HORMAD2: variants seen among roughly 807,000 people sequenced by gnomAD.
The protein encoded by HORMAD2 is HORMA domain-containing protein 2.
In HORMAD2, 45 loss-of-function variants were observed where a neutral mutation model predicts 38.8. The ratio of observed to expected loss-of-function variants is 1.16; its 90% confidence interval spans 0.91 to 1.49. The LOEUF (loss-of-function observed/expected upper bound fraction) is 1.49, where lower values mean the gene tolerates loss of function less well. Ranked by LOEUF, HORMAD2 falls within the 40% of genes most tolerant of loss-of-function variation. HORMAD2 has a pLI of 0.00. For synonymous variants in HORMAD2, 126 were observed against 122.8 expected (o/e 1.03, Z -0.17); for missense variants, 338 against 367.0 (o/e 0.92, Z 0.65).
At chr22:30,128,674 T>C (rs1011865054) in intron 10 of HORMAD2, among the ~76,000 whole-genome samples, 3 of 152,158 alleles carry the variant, frequency 2.0e-5, no homozygotes. Flanking sequence ...TGCCAGCTTC[T>C]CCACCTCCTC....
chr22:30,085,946 C>T (rs1288473930), intron 1 of HORMAD2, among the ~76,000 whole-genome samples: 1 of 152,112 alleles, frequency 6.6e-6, no homozygotes, highest in South Asian at 2.1e-4. Context: ...GAAGTCATCC[C>T]TTAAGGAAAT....
chr22:30,097,821 T>G (rs5997569), intron 2 of HORMAD2, among the ~76,000 whole-genome samples: 54 of 152,260 alleles, frequency 3.5e-4, no homozygotes, highest in African/African-American at 1.3e-3. Flanking sequence ...GAAGACAGGT[T>G]GAATGAAAGA....
chr22:30,115,345 G>A (rs1160019615), intron 7 of HORMAD2, among the ~76,000 whole-genome samples: 1 of 152,000 alleles, frequency 6.6e-6, no homozygotes, highest in Admixed American at 6.6e-5. Context: ...TGGTCTCAAA[G>A]GATCCCCTTG....
chr22:30,176,117 A>T lies in HORMAD2; in HGVS notation c.874A>T (p.Lys292Ter), dbSNP rs1425438787. The change falls in exon 11 of 11, where the codon AAG (lysine) becomes TAG (stop). Residue 292 changes from lysine (K) to a stop codon, truncating the protein, a stop_gained. Transcript: ENST00000336726. LOFTEE classifies it high-confidence loss of function. Reference sequence around the variant, plus strand: ...GCAAAGTTCTGAGTGCTCCAGGAAGAAGAGGAAGGTCAGTGAACCAGTGAA... The same window carrying T: ...GCAAAGTTCTGAGTGCTCCAGGAAGTAGAGGAAGGTCAGTGAACCAGTGAA... The part of the protein sequence containing the change: ...SQQSSECSRK[K>*]RKVSEPVKVF... The T allele has an allele frequency of 6.2e-7, 1 of 1,613,424 alleles. No homozygotes were observed. Among genetic ancestry groups the T allele is most frequent in the Non-Finnish European group, 8.5e-7 (1 of 1,179,468 alleles).
rs12166648 is a variant in HORMAD2, at chr22:30,160,999, T to A, written c.820-15064T>A. Reference sequence around the variant, plus strand: ...TAGGGGTTTTCTATTTCTCTTCAATTGAATTTAGGGCCAATTTAAAGTGAA... The same window carrying A: ...TAGGGGTTTTCTATTTCTCTTCAATAGAATTTAGGGCCAATTTAAAGTGAA... On this transcript the variant is annotated intron_variant, in intron 10 of 10. Transcript: ENST00000336726. 7.0e-3 allele frequency among the ~76,000 whole-genome samples: 1,067 copies of A among 152,298 alleles called. 12 individuals carry two copies. Among genetic ancestry groups the A allele is most frequent in the African/African-American group, 0.023 (949 of 41,542 alleles).
chr22:30,142,228 G>C (rs1924130380), intron 10 of HORMAD2, among the ~76,000 whole-genome samples: 1 of 152,158 alleles, frequency 6.6e-6, no homozygotes, highest in South Asian at 2.1e-4. Context: ...GTAGTGAGCT[G>C]TGATCACTCC....
At chr22:30,157,051 T>C (rs1011068773) in intron 10 of HORMAD2, among the ~76,000 whole-genome samples, 39 of 152,210 alleles carry the variant, frequency 2.6e-4, no homozygotes, top group African/African-American at 8.7e-4. Context: ...TCCCACTACA[T>C]TCCTTGGAAG....
chr22:30,081,696 C>T (rs977292400), intron 1 of HORMAD2, among the ~76,000 whole-genome samples: 2 of 152,132 alleles, frequency 1.3e-5, no homozygotes, highest in African/African-American at 4.8e-5. Flanking sequence ...CTGCCTCAGC[C>T]TCCCATGTAG....
intron 10 of HORMAD2, among the ~76,000 whole-genome samples, chr22:30,143,908 C>T (rs1315814574): frequency 6.6e-6 from 1 of 152,178 alleles, no homozygotes; most frequent in Non-Finnish European, 1.5e-5. Flanking sequence ...GTTGCTCCCA[C>T]TCTTGCCATG....
the HORMAD2 span, among the ~76,000 whole-genome samples, chr22:30,198,726 G>A: frequency 6.6e-6 from 1 of 152,090 alleles, no homozygotes; most frequent in Non-Finnish European, 1.5e-5. Context: ...CAGCATCTGG[G>A]ATCTGGCTTC....
At chr22:30,137,420 A>G (rs5763800) in intron 10 of HORMAD2, 47,678 of 414,304 alleles carry the variant, frequency 0.12, 6,472 homozygotes, top group African/African-American at 0.42. Flanking sequence ...CCAGGAGGTC[A>G]AGGCTGCAGT....
chr22:30,197,196 T>A, the HORMAD2 span, among the ~76,000 whole-genome samples: 2 of 151,724 alleles, frequency 1.3e-5, no homozygotes, highest in Non-Finnish European at 2.9e-5. Flanking sequence ...GTGAAAAGGG[T>A]TGGATTTTCT....
chr22:30,206,201 C>A, the HORMAD2 span, among the ~76,000 whole-genome samples: 3 of 152,098 alleles, frequency 2.0e-5, no homozygotes, highest in Admixed American at 1.3e-4. Flanking sequence ...GAGTCTTGCT[C>A]TGTCACCCAG....
Position 30,176,246 on chromosome 22 carries a change from G to A in HORMAD2, c.*79G>A. On this transcript the variant is annotated 3_prime_UTR_variant, in exon 11 of 11. Transcript: ENST00000336726. Reference sequence around the variant, plus strand: ...ATGCATAAACTGTCTTAGCAGGAAAGTACATTCCTGTTACCAAAACCTTTT... The same window carrying A: ...ATGCATAAACTGTCTTAGCAGGAAAATACATTCCTGTTACCAAAACCTTTT... 3 of 967,712 alleles carry A rather than the reference G, an allele frequency of 3.1e-6. No individual in the cohort carries two copies. Among genetic ancestry groups the A allele is most frequent in the South Asian group, 3.1e-5 (2 of 64,116 alleles). The allele number at this position is 967,712 out of a possible 1,614,324, so 59.9% of individuals were successfully genotyped here. A position where few individuals can be genotyped will look rare whatever the true frequency, so the allele number is the denominator to read the frequency against.
chr22:30,112,370 A>C, intron 6 of HORMAD2, 126 bp from the exon 7 acceptor site: 1 of 604,164 alleles, frequency 1.7e-6, no homozygotes, highest in Non-Finnish European at 2.9e-6. Context: ...TCCTATCTCT[A>C]GCTTAAAATA....
the HORMAD2 span, among the ~76,000 whole-genome samples, chr22:30,201,041 C>T: frequency 5.3e-5 from 8 of 152,012 alleles, no homozygotes; most frequent in African/African-American, 1.7e-4. Context: ...TGAGCCACCA[C>T]GCCCGGCCAG....
chr22:30,084,884 G>A (rs1221859169), intron 1 of HORMAD2, among the ~76,000 whole-genome samples: 2 of 152,082 alleles, frequency 1.3e-5, no homozygotes, highest in African/African-American at 2.4e-5. Flanking sequence ...GGTGGCTCAC[G>A]CCTGTAATCC....
At chr22:30,129,474 C>A (rs114860418) in intron 10 of HORMAD2, among the ~76,000 whole-genome samples, 1,563 of 152,068 alleles carry the variant, frequency 0.01, 25 homozygotes, top group African/African-American at 0.036. Context: ...TTCAATCTTC[C>A]TAGCTATTTT....
chr22:30,207,164 C>A, the HORMAD2 span: 1 of 459,840 alleles, frequency 2.2e-6, no homozygotes, highest in Non-Finnish European at 4.6e-6. Context: ...CCCGCCCAGG[C>A]TGAATCCGCA....
Sources: allele counts gnomAD v4.1 joint callset (sites outside exome capture counted in the v4.1 genomes callset), GRCh38; gene constraint gnomAD v4.1.1; transcripts MANE v1.5; gene names NCBI Gene and HGNC (gene_info 2026-07-23, HGNC 2026-07-21).